Variants in RNASEK observed in about 807,000 individuals in gnomAD.
RNASEK encodes the protein ribonuclease kappa.
RNASEK carries 7 observed loss-of-function variants against 11.2 expected under a neutral mutation model. That is an observed-to-expected ratio of 0.62 (90% CI 0.35 to 1.17). The LOEUF is 1.17. RNASEK is among the 50% of genes most tolerant of loss of function. RNASEK has a pLI of 0.02. For synonymous variants in RNASEK, 46 were observed against 49.5 expected (o/e 0.93, Z 0.30); for missense variants, 101 against 126.7 (o/e 0.80, Z 0.97).
In RNASEK at chr17:7,014,391, G is replaced by A. The variant is rs1319754031; in HGVS notation, c.*105G>A. ...CCTTGCCGGCGCCCTCTGCGGGACT[G>A]GGTTTCCCGGGCGAGAGACTGAATC... On this transcript the variant is annotated 3_prime_UTR_variant, in exon 3 of 3. Transcript: ENST00000593646. This position sits in a 1 kb window ranked among gnomAD's most constrained non-coding sequence, Gnocchi z 4.5. 1.7e-6 allele frequency: 2 copies of A among 1,187,798 alleles called. No homozygotes were observed. Among genetic ancestry groups the A allele is most frequent in the Non-Finnish European group, 2.4e-6 (2 of 837,548 alleles). The allele number at this position is 1,187,798 out of a possible 1,614,324, so 73.6% of individuals were successfully genotyped here.
rs1347056587 is a variant in RNASEK, at chr17:7,014,285, A to G, written c.296A>G (p.Ter99TrpextTer14). 6.2e-7 allele frequency: 1 copy of G among 1,613,588 alleles called. No individual in the cohort carries two copies. Among genetic ancestry groups the G allele is most frequent in the East Asian group, 2.2e-5 (1 of 44,880 alleles). ...AAGCGCAAGGAATACATGGTGCGCT[A>G]GGGCCCCGGCGCGTTTCCCCGCTCC... is the stretch of plus-strand genomic sequence containing the variant. ...LNKRKEYMVR[*>W] is the part of the protein sequence containing the mutation. The change falls in exon 3 of 3, where the codon TAG becomes TGG. Residue 99 changes from the stop codon to tryptophan, a stop_lost. Coordinates refer to ENST00000593646, the MANE Select transcript of RNASEK (RefSeq NM_001004333.5). This position sits in a 1 kb window ranked among gnomAD's most constrained non-coding sequence, Gnocchi z 4.5.
intron 2 of RNASEK, 189 bp downstream of exon 2, chr17:7,013,931 A>C (rs1909619946): frequency 1.5e-6 from 1 of 688,854 alleles, no homozygotes; most frequent in Non-Finnish European, 2.5e-6. Flanking sequence ...CAAACCCACC[A>C]CCTTAGGTGT....
At chr17:7,013,115 A>C in intron 1 of RNASEK, 1 of 452,944 alleles carries the variant, frequency 2.2e-6, no homozygotes, top group South Asian at 2.5e-5. Flanking sequence ...ACAGAGCGAG[A>C]CTCCGTCCCC....
rs1209931884 is a variant in RNASEK, at chr17:7,013,838, C to G, written c.155+96C>G. ...TCTGGGAGGCCCGGTGCTTAGGGCCCCTAGGTTAGAGGACTTGGAGAGGAG... is the reference window on the plus strand; with the variant it reads ...TCTGGGAGGCCCGGTGCTTAGGGCCGCTAGGTTAGAGGACTTGGAGAGGAG... On this transcript the variant is annotated intron_variant, in intron 2 of 2. Coordinates refer to ENST00000593646, the MANE Select transcript of RNASEK (RefSeq NM_001004333.5). The G allele has an allele frequency of 4.9e-6, 5 of 1,015,816 alleles. No homozygotes were observed. In the East Asian group the frequency reaches 9.5e-5, roughly 19 times the overall value. 62.9% of individuals were successfully genotyped at this position (1,015,816 alleles called of 1,614,324 possible). A position where few individuals can be genotyped will look rare whatever the true frequency, so the allele number is the denominator to read the frequency against.
rs1026702423 is a variant in RNASEK, at chr17:7,014,082, T to C, written c.156-63T>C. 4.5e-5 allele frequency: 66 copies of C among 1,474,790 alleles called. No homozygotes were observed. The highest frequency in any genetic ancestry group is 5.6e-5 in the African/African-American group (4 of 71,372). The allele number at this position is 1,474,790 out of a possible 1,614,324, so 91.4% of individuals were successfully genotyped here. ...AGCGCCTAAACAGGTGTCGGGCACATAGTGCTCAGAAAATGTTGGCTCCTA... is the reference window on the plus strand; with the variant it reads ...AGCGCCTAAACAGGTGTCGGGCACACAGTGCTCAGAAAATGTTGGCTCCTA... On this transcript the variant is annotated intron_variant, in intron 2 of 2. Transcript: ENST00000593646. This position sits in a 1 kb window ranked among gnomAD's most constrained non-coding sequence, Gnocchi z 4.5.
rs1034588836 is a variant in RNASEK at position 7,012,695 on chromosome 17, C to G, written c.12C>G (p.Leu4=). 4 of 1,613,168 alleles carry G rather than the reference C, an allele frequency of 2.5e-6. No homozygotes were observed. Among genetic ancestry groups the G allele is most frequent in the Admixed American group, 3.3e-5 (2 of 60,012 alleles). ...CGACTCCCTTCTTTATGGCGTCGCT[C>G]CTGTGCTGTGGGCCGAAGCTGGCCG... MAS[L]LCCGPKLAAC... Residue 4 remains leucine, a synonymous_variant, in exon 1 of 3, where the codon CTC becomes CTG. Transcript: ENST00000593646.
In RNASEK at chr17:7,014,393, G is replaced by T. The variant is rs920139333; in HGVS notation, c.*107G>T. 7.5e-6 allele frequency: 9 copies of T among 1,195,844 alleles called. No individual in the cohort carries two copies. In the African/African-American group the frequency reaches 1.2e-4, roughly 16 times the overall value. 74.1% of individuals were successfully genotyped at this position (1,195,844 alleles called of 1,614,324 possible). A position where few individuals can be genotyped will look rare whatever the true frequency, so the allele number is the denominator to read the frequency against. On this transcript the variant is annotated 3_prime_UTR_variant, in exon 3 of 3. Transcript: ENST00000593646. This position sits in a 1 kb window ranked among gnomAD's most constrained non-coding sequence, Gnocchi z 4.5. Reference sequence around the variant, plus strand: ...TTGCCGGCGCCCTCTGCGGGACTGGGTTTCCCGGGCGAGAGACTGAATCCC... The same window carrying T: ...TTGCCGGCGCCCTCTGCGGGACTGGTTTTCCCGGGCGAGAGACTGAATCCC...
chr17:7,014,016 A>G lies in RNASEK; in HGVS notation c.156-129A>G. ...AAATGGCTATGACAGATCTCACCCCATAGGATGGTCAAGAAGATTGAATAA... is the reference window on the plus strand; with the variant it reads ...AAATGGCTATGACAGATCTCACCCCGTAGGATGGTCAAGAAGATTGAATAA... On this transcript the variant is annotated intron_variant, in intron 2 of 2. Coordinates refer to ENST00000593646, the MANE Select transcript of RNASEK (RefSeq NM_001004333.5). This position sits in a 1 kb window ranked among gnomAD's most constrained non-coding sequence, Gnocchi z 4.5. 1 of 903,338 alleles carries G rather than the reference A, an allele frequency of 1.1e-6. No individual in the cohort carries two copies. Among genetic ancestry groups the G allele is most frequent in the Non-Finnish European group, 1.7e-6 (1 of 578,970 alleles). 56.0% of individuals were successfully genotyped at this position (903,338 alleles called of 1,614,324 possible).
At chr17:7,013,260 C>A in intron 1 of RNASEK, 1 of 1,287,730 alleles carries the variant, frequency 7.8e-7, no homozygotes, top group Non-Finnish European at 1.1e-6. Flanking sequence ...GAATGGAGGA[C>A]ATGGGAGGAA....
At position 7,014,175 on chromosome 17, in the gene RNASEK, C is replaced by T. The variant is rs368074080; in HGVS notation, c.186C>T (p.Tyr62=). 3.2e-6 allele frequency: 5 copies of T among 1,572,070 alleles called. No homozygotes were observed. The African/African-American group carries it at 5.4e-5, about 17-fold the overall frequency. The stretch of plus-strand genomic sequence containing the variant: ...GCCCCCAGAACATATACAACCTTTA[C>T]GAGCAAGTCAGCTACAACTGTTTCA... ...ENGPQNIYNL[Y]EQVSYNCFIA... Residue 62 remains tyrosine (Y), a synonymous_variant, in exon 3 of 3, where the codon TAC becomes TAT. Coordinates refer to ENST00000593646, the MANE Select transcript of RNASEK (RefSeq NM_001004333.5). This position sits in a 1 kb window ranked among gnomAD's most constrained non-coding sequence, Gnocchi z 4.5.
intron 2 of RNASEK, 176 bp downstream of exon 2, chr17:7,013,918 T>C: frequency 1.4e-6 from 1 of 702,816 alleles, no homozygotes; most frequent in Non-Finnish European, 2.4e-6. Context: ...TCAGCGGCCA[T>C]CCCAAACCCA....
rs1432411328 is a variant in RNASEK at position 7,014,075 on chromosome 17, G to A, written c.156-70G>A. On this transcript the variant is annotated intron_variant, in intron 2 of 2. Transcript: ENST00000593646. The surrounding 1 kb of genome is among the most constrained non-coding windows in gnomAD (Gnocchi z 4.5). The stretch of plus-strand genomic sequence containing the variant: ...ACGTAACAGCGCCTAAACAGGTGTC[G>A]GGCACATAGTGCTCAGAAAATGTTG... 7 of 1,416,426 alleles carry A rather than the reference G, an allele frequency of 4.9e-6. No individual in the cohort carries two copies. Among genetic ancestry groups the A allele is most frequent in the Non-Finnish European group, 6.8e-6 (7 of 1,025,738 alleles). The allele number at this position is 1,416,426 out of a possible 1,614,324, so 87.7% of individuals were successfully genotyped here.
chr17:7,013,121 T>C (rs1909536490), intron 1 of RNASEK: 2 of 456,504 alleles, frequency 4.4e-6, no homozygotes, highest in South Asian at 2.5e-5. Flanking sequence ...CGAGACTCCG[T>C]CCCCAAAGAA....
At chr17:7,013,799 G>A (rs927795032) in intron 2 of RNASEK, 57 bp downstream of exon 2, 2 of 1,351,378 alleles carry the variant, frequency 1.5e-6, no homozygotes, top group African/African-American at 1.4e-5. Context: ...GCGAGGCCTA[G>A]GGTCAGAATT....
At chr17:7,013,158 G>C in intron 1 of RNASEK, 1 of 525,100 alleles carries the variant, frequency 1.9e-6, no homozygotes, top group Non-Finnish European at 3.3e-6. Context: ...TGGAGCGGAG[G>C]GCCCTGGAGT....
At chr17:7,013,401 GA>G (rs1165063338) in intron 1 of RNASEK, 1 of 1,535,668 alleles carries the variant, frequency 6.5e-7, no homozygotes, top group African/African-American at 1.4e-5. Flanking sequence ...GTCCCGTGAT[GA>G]TGACGCCTCC....
In RNASEK at chr17:7,013,073, C is replaced by T. The variant is rs189666649; in HGVS notation, c.78+312C>T. The T allele has an allele frequency of 5.5e-3, 2,476 of 448,646 alleles. 15 individuals are homozygous for T. Among genetic ancestry groups the T allele is most frequent in the Non-Finnish European group, 7.4e-3 (1,851 of 248,892 alleles). The allele number at this position is 448,646 out of a possible 1,614,324, so 27.8% of individuals were successfully genotyped here. On this transcript the variant is annotated intron_variant, in intron 1 of 2. Coordinates refer to ENST00000593646, the MANE Select transcript of RNASEK (RefSeq NM_001004333.5). ...CCGGGAGGCGGAGGGTGCAGTGAGCCGAGATCGCGCCACTGCACTCCAGCC... is the reference window on the plus strand; with the variant it reads ...CCGGGAGGCGGAGGGTGCAGTGAGCTGAGATCGCGCCACTGCACTCCAGCC...
chr17:7,012,982 G>C, intron 1 of RNASEK: 1 of 555,210 alleles, frequency 1.8e-6, no homozygotes, highest in Non-Finnish European at 3.2e-6. Flanking sequence ...AAAATTAGCC[G>C]GGCGTGGTGG....
At chr17:7,013,467 C>T in intron 1 of RNASEK, 199 bp from the exon 2 acceptor site, 3 of 1,543,006 alleles carry the variant, frequency 1.9e-6, no homozygotes, top group South Asian at 1.2e-5. Flanking sequence ...CTATTCCCAC[C>T]CTTGCCTCGA....
Sources: gnomAD v4.1 joint callset for allele counts on GRCh38, gnomAD v4.1.1 for gene constraint, Gnocchi (gnomAD v3.1) non-coding constraint, MANE v1.5 for transcripts, NCBI Gene and HGNC (gene_info 2026-07-23, HGNC 2026-07-21) for gene names.